CEP44: variants seen among roughly 807,000 people sequenced by gnomAD.
CEP44 encodes centrosomal protein of 44 kDa.
Under a neutral mutation model 46.7 loss-of-function variants are expected in CEP44, and 45 were observed. The observed-to-expected ratio is 0.96, with a 90% CI of 0.76 to 1.24. The LOEUF is 1.24. CEP44 is among the 50% of genes most tolerant of loss of function. The pLI is 0.00. For missense variants in CEP44, 475 were observed against 459.7 expected (o/e 1.03, Z -0.30); for synonymous variants, 142 against 146.0 (o/e 0.97, Z 0.20).
At chr4:174,291,656 A>G (rs1347551249) in intron 1 of CEP44, among the ~76,000 whole-genome samples, 2 of 151,834 alleles carry the variant, frequency 1.3e-5, no homozygotes, top group Non-Finnish European at 2.9e-5. Flanking sequence ...TTGGTTTAGT[A>G]TCTTTTCAGT....
At position 174,302,099 on chromosome 4, in the gene CEP44, C is replaced by G; in HGVS notation, c.150C>G (p.Tyr50Ter). 2.5e-6 allele frequency: 4 copies of G among 1,612,260 alleles called. No individual in the cohort carries two copies. The South Asian group carries it at 4.4e-5, about 18-fold the overall frequency. ...TCATCAGCTATTCTTTTACCTCATA[C>G]TCACCTTATGTAACAGAACTTATAA... is the stretch of plus-strand genomic sequence containing the variant. ...LPIISYSFTS[Y>*]SPYVTELIME... is the part of the protein sequence containing the mutation. Residue 50 changes from tyrosine to a stop codon, truncating the protein, a stop_gained, in exon 4 of 12, where the codon TAC (tyrosine) becomes TAG (stop). Transcript: ENST00000503780. LOFTEE classifies it high-confidence loss of function.
rs148319849 is a variant in CEP44, at chr4:174,285,216, A to T, written c.-148+1273A>T. Among the ~76,000 whole-genome samples, 1,286 of 152,332 alleles carry T rather than the reference A, an allele frequency of 8.4e-3. 19 individuals are homozygous for T. The highest frequency in any genetic ancestry group is 0.03 in the African/African-American group (1,236 of 41,574). The stretch of plus-strand genomic sequence containing the variant: ...TATAAGTTGAAAATGTTAAATTTTT[A>T]AAAGTATTTTTCATTAATGAAAGTA... On this transcript the variant is annotated intron_variant, in intron 1 of 11. Transcript: ENST00000503780.
rs1740973995 is a variant in CEP44 at position 174,310,599 on chromosome 4, G to A, written c.886-184G>A. 6.6e-6 allele frequency among the ~76,000 whole-genome samples: 1 copy of A among 151,752 alleles called. No homozygotes were observed. Among genetic ancestry groups the A allele is most frequent in the Admixed American group, 6.6e-5 (1 of 15,244 alleles). On this transcript the variant is annotated intron_variant, in intron 8 of 11. Coordinates refer to ENST00000503780, the MANE Select transcript of CEP44 (RefSeq NM_001040157.3). The surrounding 1 kb of genome is among the most constrained non-coding windows in gnomAD (Gnocchi z 4.2). ...GGTGAAGTCAAGTAGCTTGCTATCT[G>A]CTTCCATATTTAAAACATTTCTTAT...
rs1737850601 is a variant in CEP44 at position 174,288,877 on chromosome 4, G to A, written c.-148+4934G>A. On this transcript the variant is annotated intron_variant, in intron 1 of 11. Coordinates refer to ENST00000503780, the MANE Select transcript of CEP44 (RefSeq NM_001040157.3). This position sits in a 1 kb window ranked among gnomAD's most constrained non-coding sequence, Gnocchi z 4.6. ...TTATCTTTAAGTATCTTAGCTGTGGGCTTCTCATAAATGGACTTTATTTTG... is the reference window on the plus strand; with the variant it reads ...TTATCTTTAAGTATCTTAGCTGTGGACTTCTCATAAATGGACTTTATTTTG... Among the ~76,000 whole-genome samples the A allele has an allele frequency of 6.6e-6, 1 of 152,060 alleles. No homozygotes were observed. The highest frequency in any genetic ancestry group is 1.5e-5 in the Non-Finnish European group (1 of 68,004).
downstream of CEP44, among the ~76,000 whole-genome samples, chr4:174,321,718 T>A (rs538923811): frequency 6.6e-6 from 1 of 152,312 alleles, no homozygotes; most frequent in African/African-American, 2.4e-5. Flanking sequence ...GTTTCACATT[T>A]AATTTAAAAT....
intron 11 of CEP44, 91 bp downstream of exon 11, chr4:174,316,658 A>G: frequency 8.4e-7 from 1 of 1,191,588 alleles, no homozygotes; most frequent in Non-Finnish European, 1.2e-6. Flanking sequence ...GTGTGTTTCA[A>G]ACCTTAAAGG....
Position 174,283,936 on chromosome 4 carries a change from T to G in CEP44, c.-155T>G, listed in dbSNP as rs1013736885. On this transcript the variant is annotated 5_prime_UTR_variant, in exon 1 of 12. Coordinates refer to ENST00000503780, the MANE Select transcript of CEP44 (RefSeq NM_001040157.3). The surrounding 1 kb of genome is among the most constrained non-coding windows in gnomAD (Gnocchi z 6.7). ...AGAGAAGCTCCCAGCTTTGAAGGTC[T>G]TGCGGTGGTGCGTGGCGGGCAGGAA... is the stretch of plus-strand genomic sequence containing the variant. 3.5e-5 allele frequency: 14 copies of G among 399,028 alleles called. No homozygotes were observed. The highest frequency in any genetic ancestry group is 5.7e-5 in the Non-Finnish European group (13 of 226,292). The allele number at this position is 399,028 out of a possible 1,614,324, so 24.7% of individuals were successfully genotyped here. A position where few individuals can be genotyped will look rare whatever the true frequency, so the allele number is the denominator to read the frequency against.
At position 174,319,737 on chromosome 4, in the gene CEP44, A is replaced by C; in HGVS notation, c.*2354A>C. The C allele has an allele frequency of 1.1e-6, 1 of 909,302 alleles. No individual in the cohort carries two copies. Among genetic ancestry groups the C allele is most frequent in the Non-Finnish European group, 1.3e-6 (1 of 759,718 alleles). 56.3% of individuals were successfully genotyped at this position (909,302 alleles called of 1,614,324 possible). ...AACAACTCTCTAATAGGGACTAAAAATCAACTCAATATATCATACATTTAC... is the reference window on the plus strand; with the variant it reads ...AACAACTCTCTAATAGGGACTAAAACTCAACTCAATATATCATACATTTAC... On this transcript the variant is annotated 3_prime_UTR_variant, in exon 12 of 12. Coordinates refer to ENST00000503780, the MANE Select transcript of CEP44 (RefSeq NM_001040157.3).
At chr4:174,316,908 T>G (rs1433089206) in intron 11 of CEP44, among the ~76,000 whole-genome samples, 1 of 152,122 alleles carries the variant, frequency 6.6e-6, no homozygotes, top group South Asian at 2.1e-4. Flanking sequence ...TATATATAGA[T>G]GGATGGTTTG....
In CEP44 at chr4:174,290,397, G is replaced by A. The variant is rs1218085358; in HGVS notation, c.-148+6454G>A. ...TTCTAGTTTCATTCCCTCGTGATCA[G>A]ACAAAATGTTTAGAATGTTTTTAGT... On this transcript the variant is annotated intron_variant, in intron 1 of 11. Transcript: ENST00000503780. This position sits in a 1 kb window ranked among gnomAD's most constrained non-coding sequence, Gnocchi z 4.3. Among the ~76,000 whole-genome samples, 1 of 126,678 alleles carries A rather than the reference G, an allele frequency of 7.9e-6. No homozygotes were observed. Among genetic ancestry groups the A allele is most frequent in the East Asian group, 1.9e-4 (1 of 5,130 alleles). The allele number at this position is 126,678 out of a possible 152,430, so 83.1% of individuals were successfully genotyped here.
Position 174,301,914 on chromosome 4 carries a change from A to C in CEP44, c.90-125A>C. On this transcript the variant is annotated intron_variant, in intron 3 of 11. Coordinates refer to ENST00000503780, the MANE Select transcript of CEP44 (RefSeq NM_001040157.3). The surrounding 1 kb of genome is among the most constrained non-coding windows in gnomAD (Gnocchi z 4.3). ...AGAAAGTCTCATGTATCACCTAATT[A>C]TTATAGCTATAGTGTTAAGTTTTAA... 1 of 796,902 alleles carries C rather than the reference A, an allele frequency of 1.3e-6. No homozygotes were observed. The highest frequency in any genetic ancestry group is 1.9e-6 in the Non-Finnish European group (1 of 523,412). The allele number at this position is 796,902 out of a possible 1,614,324, so 49.4% of individuals were successfully genotyped here.
intron 6 of CEP44, 131 bp from the exon 7 acceptor site, chr4:174,308,558 A>G (rs2126626953): frequency 2.4e-6 from 2 of 838,360 alleles, no homozygotes; most frequent in Admixed American, 2.8e-5. Context: ...TAATCTGCAC[A>G]ACAAACCCCC....
At chr4:174,302,008 A>G in intron 3 of CEP44, 31 bp from the exon 4 acceptor site, 1 of 1,566,044 alleles carries the variant, frequency 6.4e-7, no homozygotes, top group Non-Finnish European at 8.6e-7. Flanking sequence ...TTAAATGCTT[A>G]TTAAAAATAT....
rs1315465593 is a variant in CEP44 at position 174,302,058 on chromosome 4, G to A, written c.109G>A (p.Ala37Thr). The change falls in exon 4 of 12, where the codon GCA becomes ACA. Residue 37 changes from alanine to threonine, a missense_variant. Coordinates refer to ENST00000503780, the MANE Select transcript of CEP44 (RefSeq NM_001040157.3). ...DCVGLIKGDP[A>T]ASLPIISYSF... Reference sequence around the variant, plus strand: ...TAACAGTTTGATAAAGGGAGACCCAGCAGCATCTTTGCCCATCATCAGCTA... The same window carrying A: ...TAACAGTTTGATAAAGGGAGACCCAACAGCATCTTTGCCCATCATCAGCTA... 1 of 1,606,320 alleles carries A rather than the reference G, an allele frequency of 6.2e-7. No individual in the cohort carries two copies. The highest frequency in any genetic ancestry group is 8.5e-7 in the Non-Finnish European group (1 of 1,178,146).
At position 174,297,161 on chromosome 4, in the gene CEP44, A is replaced by ATC. The variant is rs1243726744; in HGVS notation, c.-147-801_-147-800dup. Among the ~76,000 whole-genome samples the ATC allele has an allele frequency of 6.6e-6, 1 of 152,096 alleles. No individual in the cohort carries two copies. The highest frequency in any genetic ancestry group is 1.5e-5 in the Non-Finnish European group (1 of 68,010). ...ATCTTATTTTTGATCCACTTTAACAATCTCTGGCTCATTTTACATTCTCAC... is the reference window on the plus strand; with the variant it reads ...ATCTTATTTTTGATCCACTTTAACAATCTCTCTGGCTCATTTTACATTCTCAC... On this transcript the variant is annotated intron_variant, in intron 1 of 11. Transcript: ENST00000503780. This position sits in a 1 kb window ranked among gnomAD's most constrained non-coding sequence, Gnocchi z 4.3.
At chr4:174,295,367 C>T (rs1002911534) in intron 1 of CEP44, among the ~76,000 whole-genome samples, 3 of 150,748 alleles carry the variant, frequency 2.0e-5, no homozygotes, top group African/African-American at 4.9e-5. Context: ...GGGGCAGAGG[C>T]GCTCCCCACA....
Position 174,302,073 on chromosome 4 carries a change from A to G in CEP44, c.124A>G (p.Ile42Val), listed in dbSNP as rs755285424. ...GGGAGACCCAGCAGCATCTTTGCCCATCATCAGCTATTCTTTTACCTCATA... is the reference window on the plus strand; with the variant it reads ...GGGAGACCCAGCAGCATCTTTGCCCGTCATCAGCTATTCTTTTACCTCATA... ...IKGDPAASLP[I>V]ISYSFTSYSP... The change falls in exon 4 of 12, where the codon ATC becomes GTC. Residue 42 changes from isoleucine to valine, a missense_variant. Ile to Val is a conservative substitution (Grantham distance 29). Transcript: ENST00000503780. The G allele has an allele frequency of 1.2e-6, 2 of 1,610,600 alleles. No homozygotes were observed. Among genetic ancestry groups the G allele is most frequent in the African/African-American group, 2.7e-5 (2 of 74,776 alleles).
intron 1 of CEP44, among the ~76,000 whole-genome samples, chr4:174,295,392 C>T (rs532709982): frequency 6.6e-6 from 1 of 150,962 alleles, no homozygotes; most frequent in East Asian, 2.0e-4. Flanking sequence ...AGACGATGGG[C>T]GGCCGGGCAG....
At chr4:174,323,962 T>C (rs993950066), downstream of CEP44, among the ~76,000 whole-genome samples, 8 of 152,156 alleles carry the variant, frequency 5.3e-5, no homozygotes, top group African/African-American at 1.9e-4. Flanking sequence ...ACATATTGCT[T>C]AGTTGCATTG....
Sources: allele counts gnomAD v4.1 joint callset (sites outside exome capture counted in the v4.1 genomes callset), GRCh38; gene constraint gnomAD v4.1.1; non-coding constraint Gnocchi (gnomAD v3.1); transcripts MANE v1.5; gene names NCBI Gene and HGNC (gene_info 2026-07-23, HGNC 2026-07-21).